The following MRPL16 variants were observed in gnomAD, a reference collection of about 807,000 sequenced individuals.
MRPL16 encodes large ribosomal subunit protein uL16m.
MRPL16 carries 17 observed loss-of-function variants against 22.7 expected under a neutral mutation model. That is an observed-to-expected ratio of 0.75 (90% CI 0.51 to 1.12). The LOEUF is 1.12. MRPL16 is among the 50% of genes most tolerant of loss of function. The pLI is 0.00. For missense variants in MRPL16, 316 were observed against 328.7 expected (o/e 0.96, Z 0.30); for synonymous variants, 103 against 112.8 (o/e 0.91, Z 0.55).
At chr11:59,806,922 C>G (rs1262311967) in intron 3 of MRPL16, 90 bp from the exon 4 acceptor site, 1 of 1,476,136 alleles carries the variant, frequency 6.8e-7, no homozygotes. Flanking sequence ...ACTGTGGCTT[C>G]AATGATACAA....
rs140230502 is a variant in MRPL16, at chr11:59,806,663, A to G, written c.440T>C (p.Ile147Thr). ...GHRMGGGKGA[I>T]DHYVTPVKAG... ...CTTCACAGGTGTCACGTAGTGGTCA[A>G]TAGCACCTTTGCCTCCCCCCATGCG... The change falls in exon 4 of 4, where the codon ATT becomes ACT. Residue 147 changes from isoleucine to threonine, a missense_variant. Physicochemically the swap from Ile to Thr is moderately conservative, Grantham distance 89. Transcript: ENST00000300151. The G allele has an allele frequency of 1.6e-4, 256 of 1,614,230 alleles. 1 individual carries two copies. In the South Asian group the frequency reaches 2.3e-3, roughly 14 times the overall value.
Position 59,807,851 on chromosome 11 carries a change from T to C in MRPL16, c.122-2A>G, listed in dbSNP as rs1565201649. The C allele has an allele frequency of 2.5e-6, 4 of 1,602,620 alleles. No homozygotes were observed. The highest frequency in any genetic ancestry group is 3.4e-6 in the Non-Finnish European group (4 of 1,175,532). On this transcript the variant is annotated splice_acceptor_variant, in intron 2 of 3. Transcript: ENST00000300151. LOFTEE classifies it high-confidence loss of function. ...TGGGTTTTTCAGGAATGGAAACATCTAAAAGAAGCACAGACAACCAGGATA... is the reference window on the plus strand; with the variant it reads ...TGGGTTTTTCAGGAATGGAAACATCCAAAAGAAGCACAGACAACCAGGATA...
At chr11:59,810,458 T>G in intron 1 of MRPL16, 146 bp downstream of exon 1, 3 of 1,488,356 alleles carry the variant, frequency 2.0e-6, no homozygotes, top group Non-Finnish European at 2.7e-6. Context: ...ACCCCTACGG[T>G]GGAGGTCGGC....
chr11:59,810,051 G>GATCC, intron 1 of MRPL16, 131 bp from the exon 2 acceptor site: 1 of 794,932 alleles, frequency 1.3e-6, no homozygotes, highest in East Asian at 3.1e-5. Flanking sequence ...TGTCGCCCAG[G>GATCC]ATCCAGTGCA....
rs751717580 is a variant in MRPL16 at position 59,809,948 on chromosome 11, G to C, written c.56-28C>G. 8 of 1,589,696 alleles carry C rather than the reference G, an allele frequency of 5.0e-6. No individual in the cohort carries two copies. The South Asian group carries it at 7.8e-5, about 16-fold the overall frequency. On this transcript the variant is annotated intron_variant, in intron 1 of 3. Coordinates refer to ENST00000300151, the MANE Select transcript of MRPL16 (RefSeq NM_017840.4). ...ACAAAGACAAATCAAGTTAAACGAC[G>C]AAGGTAACAGGCCGGGACCCCGATA...
rs1368250709 is a variant in MRPL16 at position 59,806,593 on chromosome 11, T to A, written c.510A>T (p.Glu170Asp). The part of the protein sequence containing the change: ...VVEMGGRCEF[E>D]EVQGFLDQVA... The stretch of plus-strand genomic sequence containing the variant: ...CCTGGTCAAGGAAACCTTGCACTTC[T>A]TCAAATTCACAACGCCCACCCATCT... Residue 170 changes from glutamate (E) to aspartate (D), a missense_variant, in exon 4 of 4, where the codon GAA becomes GAT. Glu to Asp is a conservative substitution (Grantham distance 45). Coordinates refer to ENST00000300151, the MANE Select transcript of MRPL16 (RefSeq NM_017840.4). The A allele has an allele frequency of 6.2e-7, 1 of 1,614,264 alleles. No individual in the cohort carries two copies. The highest frequency in any genetic ancestry group is 1.1e-5 in the South Asian group (1 of 91,088).
Position 59,810,686 on chromosome 11 carries a change from TC to T in MRPL16, c.-29del. Reference sequence around the variant, plus strand: ...TCACGGGCGTCCGGCGGCGCGGAGCTCCCCCAGCGACTCCGGCTGTCTCCTG... The same window carrying T: ...TCACGGGCGTCCGGCGGCGCGGAGCTCCCCAGCGACTCCGGCTGTCTCCTG... On this transcript the variant is annotated 5_prime_UTR_variant, in exon 1 of 4. Coordinates refer to ENST00000300151, the MANE Select transcript of MRPL16 (RefSeq NM_017840.4). The T allele has an allele frequency of 1.2e-6, 2 of 1,612,932 alleles. No individual in the cohort carries two copies. The highest frequency in any genetic ancestry group is 1.7e-6 in the Non-Finnish European group (2 of 1,179,538).
Position 59,809,864 on chromosome 11 carries a change from T to C in MRPL16, c.112A>G (p.Ser38Gly). 2 of 1,612,982 alleles carry C rather than the reference T, an allele frequency of 1.2e-6. No individual in the cohort carries two copies. The highest frequency in any genetic ancestry group is 1.7e-6 in the Non-Finnish European group (2 of 1,179,538). Residue 38 changes from serine (S) to glycine (G), a missense_variant, in exon 2 of 4, where the codon AGT (serine) becomes GGT (glycine). Ser to Gly is a moderately conservative substitution (Grantham distance 56, BLOSUM62 0). Coordinates refer to ENST00000300151, the MANE Select transcript of MRPL16 (RefSeq NM_017840.4). ...AAAGACAAGCTCTCACCTTCAAAACTTGGTACTGGGAGCAGTGTCTTTACG... is the reference window on the plus strand; with the variant it reads ...AAAGACAAGCTCTCACCTTCAAAACCTGGTACTGGGAGCAGTGTCTTTACG... ...AGVKTLLPVP[S>G]FEDVSIPEKP...
At position 59,806,652 on chromosome 11, in the gene MRPL16, C is replaced by G; in HGVS notation, c.451G>C (p.Val151Leu). ...AGGCGGCCAGCCTTCACAGGTGTCA[C>G]GTAGTGGTCAATAGCACCTTTGCCT... The part of the protein sequence containing the change: ...GGGKGAIDHY[V>L]TPVKAGRLVV... Residue 151 changes from valine to leucine, a missense_variant, in exon 4 of 4, where the codon GTG becomes CTG. Coordinates refer to ENST00000300151, the MANE Select transcript of MRPL16 (RefSeq NM_017840.4). 1 of 1,614,234 alleles carries G rather than the reference C, an allele frequency of 6.2e-7. No individual in the cohort carries two copies. Among genetic ancestry groups the G allele is most frequent in the Non-Finnish European group, 8.5e-7 (1 of 1,180,044 alleles).
At chr11:59,808,474 C>G (rs1401597646) in intron 2 of MRPL16, among the ~76,000 whole-genome samples, 1 of 152,136 alleles carries the variant, frequency 6.6e-6, no homozygotes, top group Non-Finnish European at 1.5e-5. Flanking sequence ...CCACTATTAC[C>G]CAGATCAACA....
In MRPL16 at chr11:59,806,361, G is replaced by A; in HGVS notation, c.742C>T (p.Pro248Ser). 1 of 1,614,102 alleles carries A rather than the reference G, an allele frequency of 6.2e-7. No individual in the cohort carries two copies. The highest frequency in any genetic ancestry group is 2.2e-5 in the East Asian group (1 of 44,874). Residue 248 changes from proline (P) to serine (S), a missense_variant, in exon 4 of 4, where the codon CCC becomes TCC. Coordinates refer to ENST00000300151, the MANE Select transcript of MRPL16 (RefSeq NM_017840.4). Reference sequence around the variant, plus strand: ...TCCTACACTCACTACACACGTTTGGGCATGTAGAACTTGCCCCAGTATTTC... The same window carrying A: ...TCCTACACTCACTACACACGTTTGGACATGTAGAACTTGCCCCAGTATTTC... ...KGKYWGKFYMPKRV is the reference protein window; with the variant it reads ...KGKYWGKFYMSKRV
At chr11:59,807,070 A>G (rs2135065552) in intron 3 of MRPL16, among the ~76,000 whole-genome samples, 1 of 152,350 alleles carries the variant, frequency 6.6e-6, no homozygotes, top group East Asian at 1.9e-4. Flanking sequence ...AGCTAAGACC[A>G]GAATAAAAAG....
intron 2 of MRPL16, 113 bp from the exon 3 acceptor site, chr11:59,807,962 T>G (rs1044186526): frequency 1.0e-5 from 13 of 1,285,046 alleles, no homozygotes; most frequent in Non-Finnish European, 1.3e-5. Context: ...TCTTCATTTT[T>G]TGGTAGAGAC....
At chr11:59,806,918 G>A (rs1866108681) in intron 3 of MRPL16, 86 bp from the exon 4 acceptor site, 1 of 1,489,002 alleles carries the variant, frequency 6.7e-7, no homozygotes, top group Admixed American at 2.1e-5. Context: ...AGTAACTGTG[G>A]CTTCAATGAT....
chr11:59,806,310 C>T lies in MRPL16; in HGVS notation c.*37G>A, dbSNP rs781199210. ...AGGGGAATAGAAATGCAGAATCCTT[C>T]TTTCAGTAGCCTATATACAGTTATC... On this transcript the variant is annotated 3_prime_UTR_variant, in exon 4 of 4. Coordinates refer to ENST00000300151, the MANE Select transcript of MRPL16 (RefSeq NM_017840.4). 2 of 1,587,678 alleles carry T rather than the reference C, an allele frequency of 1.3e-6. No homozygotes were observed. Among genetic ancestry groups the T allele is most frequent in the Non-Finnish European group, 8.6e-7 (1 of 1,162,834 alleles).
At chr11:59,807,533 A>C in intron 3 of MRPL16, 168 bp downstream of exon 3, 1 of 595,228 alleles carries the variant, frequency 1.7e-6, no homozygotes, top group Non-Finnish European at 2.7e-6. Context: ...TATATAACCC[A>C]AATGTTTACT....
chr11:59,807,833 T>C lies in MRPL16; in HGVS notation c.138A>G (p.Glu46=). 1 of 1,609,188 alleles carries C rather than the reference T, an allele frequency of 6.2e-7. No homozygotes were observed. Among genetic ancestry groups the C allele is most frequent in the Non-Finnish European group, 8.5e-7 (1 of 1,178,256 alleles). The change falls in exon 3 of 4, where the codon GAA becomes GAG. Residue 46 remains glutamate, a synonymous_variant. Transcript: ENST00000300151. ...TTTCAATAAATCTAAGCTTGGGTTT[T>C]TCAGGAATGGAAACATCTAAAAGAA... ...VPSFEDVSIP[E]KPKLRFIERA... is the part of the protein sequence containing the mutation.
intron 3 of MRPL16, chr11:59,807,320 C>A: frequency 5.6e-6 from 1 of 179,916 alleles, no homozygotes; most frequent in Non-Finnish European, 1.2e-5. Context: ...TAGTGCACAC[C>A]CATTTGTGTG....
At chr11:59,808,745 C>T (rs1325372651) in intron 2 of MRPL16, 4 of 152,172 alleles carry the variant, frequency 2.6e-5, no homozygotes, top group Non-Finnish European at 5.9e-5. Context: ...CCTAGGAATC[C>T]TTTGATCAAT....
Sources: gnomAD v4.1 joint callset for allele counts (sites outside exome capture counted in the v4.1 genomes callset) on GRCh38, gnomAD v4.1.1 for gene constraint, MANE v1.5 for transcripts, NCBI Gene and HGNC (gene_info 2026-07-23, HGNC 2026-07-21) for gene names.